Variants in NRXN1 observed in about 807,000 individuals in gnomAD.
NRXN1 encodes neurexin 1.
Under a neutral mutation model 150.9 loss-of-function variants are expected in NRXN1, and 39 were observed. The ratio of observed to expected loss-of-function variants is 0.26; its 90% CI spans 0.20 to 0.34. The LOEUF is 0.34. Ranked by LOEUF, NRXN1 falls within the 10% of genes least tolerant of loss-of-function variation. The probability of loss-of-function intolerance (pLI) is 1.00; values close to 1 mark genes in which losing one functional copy is unlikely to be tolerated. For synonymous variants in NRXN1, 924 were observed against 757.0 expected (o/e 1.22, Z -3.62); for missense variants, 1,815 against 1,949.9 (o/e 0.93, Z 1.30).
chr2:50,964,178 T>C lies in NRXN1; in HGVS notation c.773-38223A>G, dbSNP rs535587505. Among the ~76,000 whole-genome samples the C allele has an allele frequency of 5.3e-5, 8 of 151,740 alleles. No individual in the cohort carries two copies. The South Asian group carries it at 8.3e-4, about 16-fold the overall frequency. Reference sequence around the variant, plus strand: ...TCCAGTGAGTAGAAGGTTTAGACTATGCAAAGGAAAAACCTTTATGCTGTT... The same window carrying C: ...TCCAGTGAGTAGAAGGTTTAGACTACGCAAAGGAAAAACCTTTATGCTGTT... On this transcript the variant is annotated intron_variant, in intron 2 of 22. Coordinates refer to ENST00000401669, the MANE Select transcript of NRXN1 (RefSeq NM_001330078.2).
chr2:49,997,523 G>A (rs1011318746), intron 21 of NRXN1, among the ~76,000 whole-genome samples: 2 of 152,046 alleles, frequency 1.3e-5, no homozygotes, highest in Admixed American at 1.3e-4. Flanking sequence ...CTTGGTTTTT[G>A]AAATATCTCT....
chr2:50,112,985 C>T (rs1702578742), intron 18 of NRXN1, among the ~76,000 whole-genome samples: 1 of 152,068 alleles, frequency 6.6e-6, no homozygotes, highest in Non-Finnish European at 1.5e-5. Flanking sequence ...TGGAATGTGC[C>T]TCCCCTCTCA....
At chr2:51,025,646 C>G (rs1019444231) in intron 2 of NRXN1, among the ~76,000 whole-genome samples, 1 of 152,042 alleles carries the variant, frequency 6.6e-6, no homozygotes, top group Admixed American at 6.6e-5. Flanking sequence ...AAATAATGTT[C>G]ATTTTAAAAT....
chr2:50,523,887 T>C (rs537723670), intron 12 of NRXN1, among the ~76,000 whole-genome samples: 21 of 152,320 alleles, frequency 1.4e-4, no homozygotes, highest in Middle Eastern at 6.8e-3. Context: ...AATTGTGTTG[T>C]CTCTGCCTCT....
intron 5 of NRXN1, among the ~76,000 whole-genome samples, chr2:50,689,436 T>C (rs540801750): frequency 6.6e-6 from 1 of 152,318 alleles, no homozygotes; most frequent in African/African-American, 2.4e-5. Flanking sequence ...AAGACAATTT[T>C]ACTCTAAATG....
intron 21 of NRXN1, among the ~76,000 whole-genome samples, chr2:50,052,173 T>C (rs1692817239): frequency 1.3e-5 from 2 of 152,112 alleles, no homozygotes; most frequent in Non-Finnish European, 2.9e-5. Flanking sequence ...CCAAACTGGA[T>C]GCAGGTCTGT....
intron 5 of NRXN1, among the ~76,000 whole-genome samples, chr2:50,747,076 T>G (rs1376132393): frequency 1.3e-5 from 2 of 152,032 alleles, no homozygotes; most frequent in African/African-American, 2.4e-5. Context: ...ACTCTCTGTG[T>G]TTTAGGGTAG....
At chr2:50,744,041 G>A (rs1699739266) in intron 5 of NRXN1, among the ~76,000 whole-genome samples, 1 of 152,052 alleles carries the variant, frequency 6.6e-6, no homozygotes, top group Non-Finnish European at 1.5e-5. Context: ...CACCCACACT[G>A]AGCCTTTTCT....
chr2:50,588,133 T>C (rs1307370511), intron 8 of NRXN1, among the ~76,000 whole-genome samples: 1 of 152,194 alleles, frequency 6.6e-6, no homozygotes, highest in Non-Finnish European at 1.5e-5. Context: ...GTTTTGCTGA[T>C]TCTAGCCTAT....
At chr2:50,419,734 C>A (rs1309560888) in intron 17 of NRXN1, among the ~76,000 whole-genome samples, 1 of 151,992 alleles carries the variant, frequency 6.6e-6, no homozygotes, top group Non-Finnish European at 1.5e-5. Context: ...AATGTAAAAA[C>A]ATTAAAACAA....
chr2:50,012,241 A>G (rs950595042), intron 21 of NRXN1, among the ~76,000 whole-genome samples: 3 of 152,140 alleles, frequency 2.0e-5, no homozygotes, highest in African/African-American at 7.2e-5. Context: ...AATAAGAGCA[A>G]AGAAGAAATA....
chr2:49,935,552 C>T (rs1048246463), intron 22 of NRXN1, among the ~76,000 whole-genome samples: 60 of 152,094 alleles, frequency 3.9e-4, no homozygotes, highest in African/African-American at 1.2e-3. Flanking sequence ...GTGATCTAAT[C>T]GACAAGTTAC....
intron 17 of NRXN1, among the ~76,000 whole-genome samples, chr2:50,260,659 C>T (rs528601625): frequency 2.2e-4 from 29 of 131,222 alleles, no homozygotes; most frequent in African/African-American, 7.7e-4. Flanking sequence ...TGAAAGAAGC[C>T]GTCTTACAGA....
chr2:50,992,836 T>C (rs1051030683), intron 2 of NRXN1, among the ~76,000 whole-genome samples: 4 of 151,982 alleles, frequency 2.6e-5, no homozygotes, highest in Admixed American at 6.6e-5. Flanking sequence ...GGATGGATTA[T>C]TGGTAGAGAC....
At chr2:50,183,441 C>T (rs762150445) in intron 18 of NRXN1, among the ~76,000 whole-genome samples, 15 of 151,416 alleles carry the variant, frequency 9.9e-5, no homozygotes, top group Non-Finnish European at 2.1e-4. Flanking sequence ...TTTTTTAAAC[C>T]AACCTCTATT....
At chr2:50,448,340 A>G (rs2086642669) in intron 17 of NRXN1, among the ~76,000 whole-genome samples, 1 of 152,178 alleles carries the variant, frequency 6.6e-6, no homozygotes, top group African/African-American at 2.4e-5. Flanking sequence ...AAAGAATAGA[A>G]CGGCAAAACC....
chr2:50,250,457 T>C (rs1418033044), intron 17 of NRXN1, among the ~76,000 whole-genome samples: 2 of 152,056 alleles, frequency 1.3e-5, no homozygotes, highest in Non-Finnish European at 2.9e-5. Context: ...TAGCGGAAGC[T>C]GATGCATTTT....
At chr2:51,005,592 T>C in intron 2 of NRXN1, among the ~76,000 whole-genome samples, 1 of 151,712 alleles carries the variant, frequency 6.6e-6, no homozygotes, top group South Asian at 2.1e-4. Context: ...ATTACCAACA[T>C]GAAAACATGC....
intron 5 of NRXN1, among the ~76,000 whole-genome samples, chr2:50,755,814 CT>C (rs1448609495): frequency 1.3e-5 from 2 of 151,876 alleles, no homozygotes; most frequent in East Asian, 1.9e-4. Flanking sequence ...CCAAATCATT[CT>C]CTGCAGATCC....
Sources: gnomAD v4.1 joint callset for allele counts (sites outside exome capture counted in the v4.1 genomes callset) on GRCh38, gnomAD v4.1.1 for gene constraint, MANE v1.5 for transcripts, NCBI Gene and HGNC (gene_info 2026-07-23, HGNC 2026-07-21) for gene names.